The following NOP58 variants were observed in gnomAD, a reference collection of about 807,000 sequenced individuals.
NOP58 encodes the protein nucleolar protein 58.
NOP58 carries 44 observed loss-of-function variants against 71.2 expected under a neutral mutation model. The ratio of observed to expected loss-of-function variants is 0.62; its 90% CI spans 0.49 to 0.79. The LOEUF is 0.79. NOP58 is among the 30% of genes least tolerant of loss of function. The pLI, the probability that NOP58 is intolerant of heterozygous loss-of-function variation, is 0.00. For synonymous variants in NOP58, 228 were observed against 200.3 expected, an observed-to-expected ratio of 1.14 and a Z score of -1.17; for missense variants, 538 against 620.2, an observed-to-expected ratio of 0.87 and a Z score of 1.41.
intron 2 of NOP58, 93 bp downstream of exon 2, chr2:202,275,282 G>C: frequency 3.1e-6 from 2 of 643,754 alleles, no homozygotes; most frequent in Non-Finnish European, 5.4e-6. Flanking sequence ...TGTTACATTC[G>C]TAGTTTTCTG....
intron 9 of NOP58, chr2:202,293,283 A>G (rs551204795): frequency 5.7e-6 from 2 of 350,814 alleles, no homozygotes; most frequent in South Asian, 2.3e-5. Flanking sequence ...AAAGAAAAAA[A>G]AAAGAAATCA....
chr2:202,297,358 TTC>T lies in NOP58; in HGVS notation c.1072-19_1072-18del. 1 of 1,607,314 alleles carries T rather than the reference TTC, an allele frequency of 6.2e-7. No individual in the cohort carries two copies. Among genetic ancestry groups the T allele is most frequent in the South Asian group, 1.1e-5 (1 of 89,938 alleles). On this transcript the variant is annotated intron_variant, in intron 10 of 14. Transcript: ENST00000264279. ...TTTTACATCTGAACATGGAATATAG[TTC>T]TTCATGTTTTTCTATTAGATTTCTC... is the stretch of plus-strand genomic sequence containing the variant.
intron 1 of NOP58, among the ~76,000 whole-genome samples, chr2:202,269,245 C>A (rs1688474996): frequency 7.3e-5 from 11 of 149,728 alleles, no homozygotes; most frequent in Admixed American, 7.3e-4. Context: ...GATCTCGGCT[C>A]ACTGCAACCT....
In NOP58 at chr2:202,302,370, G is replaced by A. The variant is rs534436633; in HGVS notation, c.1403-551G>A. 4.6e-5 allele frequency among the ~76,000 whole-genome samples: 7 copies of A among 152,196 alleles called. No individual in the cohort carries two copies. The South Asian group carries it at 6.2e-4, about 14-fold the overall frequency. ...CTCCCAAAGTGCTGAGATTACAGGC[G>A]TGAGCCACTGCACCCAGCTGGTCAC... On this transcript the variant is annotated intron_variant, in intron 13 of 14. Transcript: ENST00000264279.
chr2:202,286,733 C>A (rs1410456246), intron 5 of NOP58, among the ~76,000 whole-genome samples: 1 of 152,088 alleles, frequency 6.6e-6, no homozygotes, highest in Admixed American at 6.6e-5. Context: ...GGTTCCCTAT[C>A]AAGGGCAATC....
rs1251085939 is a variant in NOP58 at position 202,296,811 on chromosome 2, G to A, written c.1072-568G>A. On this transcript the variant is annotated intron_variant, in intron 10 of 14. Transcript: ENST00000264279. The stretch of plus-strand genomic sequence containing the variant: ...TGCAGTGGTGCCATCCCGGCTCACT[G>A]CAAGCTCTGCCTCCCAGGTTCACGC... Among the ~76,000 whole-genome samples, 3 of 152,148 alleles carry A rather than the reference G, an allele frequency of 2.0e-5. No homozygotes were observed. In the South Asian group the frequency reaches 6.2e-4, roughly 32 times the overall value.
intron 5 of NOP58, among the ~76,000 whole-genome samples, chr2:202,287,040 T>A (rs7585867): frequency 0.23 from 34,030 of 150,610 alleles, 5,875 homozygotes; most frequent in African/African-American, 0.48. Flanking sequence ...TATGTGCTAT[T>A]AAAAATTGCA....
intron 5 of NOP58, among the ~76,000 whole-genome samples, chr2:202,285,617 A>G (rs972825698): frequency 6.6e-6 from 1 of 152,062 alleles, no homozygotes; most frequent in African/African-American, 2.4e-5. Flanking sequence ...CCGCGACTGC[A>G]GGGGTGAGCC....
rs943169155 is a variant in NOP58, at chr2:202,297,039, C to T, written c.1072-340C>T. ...TGAGCCACCGCGCTCGGCCAGAACC[C>T]GCACATATTTAAGATTGTTACGAGG... is the stretch of plus-strand genomic sequence containing the variant. On this transcript the variant is annotated intron_variant, in intron 10 of 14. Transcript: ENST00000264279. Among the ~76,000 whole-genome samples, 10 of 152,144 alleles carry T rather than the reference C, an allele frequency of 6.6e-5. No individual in the cohort carries two copies. In the East Asian group the frequency reaches 1.5e-3, roughly 23 times the overall value.
At chr2:202,267,666 C>G (rs916111823) in intron 1 of NOP58, among the ~76,000 whole-genome samples, 1 of 152,100 alleles carries the variant, frequency 6.6e-6, no homozygotes, top group African/African-American at 2.4e-5. Context: ...CGTTAATTGC[C>G]GTAGTATACT....
intron 1 of NOP58, 99 bp downstream of exon 1, chr2:202,266,085 G>A (rs934372527): frequency 1.3e-5 from 17 of 1,352,984 alleles, no homozygotes; most frequent in Non-Finnish European, 1.6e-5. Context: ...TAGCGTGGGT[G>A]CCTGTTATAG....
At chr2:202,273,459 A>T (rs897379931) in intron 1 of NOP58, among the ~76,000 whole-genome samples, 2 of 152,236 alleles carry the variant, frequency 1.3e-5, no homozygotes, top group African/African-American at 2.4e-5. Context: ...TTGTATACAG[A>T]AATCCATTTT....
At chr2:202,266,053 T>A in intron 1 of NOP58, 67 bp downstream of exon 1, 1 of 1,572,058 alleles carries the variant, frequency 6.4e-7, no homozygotes, top group East Asian at 2.2e-5. Flanking sequence ...AGGGAAAGAC[T>A]TAAGCACGGA....
chr2:202,270,761 A>G (rs1168791144), intron 1 of NOP58, among the ~76,000 whole-genome samples: 2 of 152,182 alleles, frequency 1.3e-5, no homozygotes, highest in East Asian at 3.9e-4. Flanking sequence ...AAACAAAACA[A>G]AAACCACACA....
chr2:202,282,203 A>C (rs568140833), intron 3 of NOP58, 148 bp from the exon 4 acceptor site: 110 of 630,062 alleles, frequency 1.7e-4, no homozygotes, highest in African/African-American at 1.5e-3. Context: ...CATGTAACTT[A>C]TAAAACATAT....
At chr2:202,299,295 A>G (rs1240046986) in intron 12 of NOP58, among the ~76,000 whole-genome samples, 1 of 152,170 alleles carries the variant, frequency 6.6e-6, no homozygotes, top group Non-Finnish European at 1.5e-5. Flanking sequence ...TTATAAGTGG[A>G]TGAGGAGAGT....
At chr2:202,276,832 G>A (rs1688599440) in intron 2 of NOP58, among the ~76,000 whole-genome samples, 1 of 151,444 alleles carries the variant, frequency 6.6e-6, no homozygotes, top group South Asian at 2.1e-4. Flanking sequence ...AGTGAAGTGA[G>A]ACCCTGTCTC....
intron 6 of NOP58, among the ~76,000 whole-genome samples, chr2:202,288,632 G>A (rs1224491079): frequency 2.0e-5 from 3 of 151,790 alleles, no homozygotes; most frequent in Non-Finnish European, 2.9e-5. Context: ...AGGCCAACAT[G>A]GTGAAACCCG....
intron 5 of NOP58, 100 bp downstream of exon 5, chr2:202,284,581 C>A: frequency 1.6e-6 from 2 of 1,239,476 alleles, no homozygotes; most frequent in Non-Finnish European, 2.3e-6. Context: ...TGAACCACAT[C>A]AGAACCTTAT....
Sources: gnomAD v4.1 joint callset for allele counts (sites outside exome capture counted in the v4.1 genomes callset) on GRCh38, gnomAD v4.1.1 for gene constraint, MANE v1.5 for transcripts, NCBI Gene and HGNC (gene_info 2026-07-23, HGNC 2026-07-21) for gene names.